The following ST6GALNAC3 variants were observed in gnomAD, a reference collection of about 807,000 sequenced individuals.
The protein encoded by ST6GALNAC3 is alpha-N-acetylgalactosaminide alpha-2,6-sialyltransferase 3.
In ST6GALNAC3, 25 loss-of-function variants were observed where a neutral mutation model predicts 32.7. The ratio of observed to expected loss-of-function variants is 0.76; its 90% CI spans 0.56 to 1.07. ST6GALNAC3 has a LOEUF of 1.07. ST6GALNAC3 is among the 50% of genes least tolerant of loss of function. The pLI is 0.00. For synonymous variants in ST6GALNAC3, 129 were observed against 133.1 expected (o/e 0.97, Z 0.21); for missense variants, 355 against 382.4 (o/e 0.93, Z 0.60).
intron 1 of ST6GALNAC3, among the ~76,000 whole-genome samples, chr1:76,183,741 G>T (rs1268820556): frequency 6.6e-6 from 1 of 151,336 alleles, no homozygotes; most frequent in African/African-American, 2.4e-5. Context: ...AAGTATTTGT[G>T]TATCTAAACA....
intron 3 of ST6GALNAC3, among the ~76,000 whole-genome samples, chr1:76,586,837 G>T (rs1057452503): frequency 1.3e-5 from 2 of 152,158 alleles, no homozygotes; most frequent in African/African-American, 4.8e-5. Context: ...GGTCTTCTTG[G>T]CCCTTGTGTA....
At chr1:76,452,543 T>C (rs1657485899) in intron 3 of ST6GALNAC3, among the ~76,000 whole-genome samples, 1 of 152,042 alleles carries the variant, frequency 6.6e-6, no homozygotes, top group Non-Finnish European at 1.5e-5. Flanking sequence ...GATCATGTGA[T>C]TTTTGTTTTT....
chr1:76,254,953 A>G (rs1657833538), intron 1 of ST6GALNAC3, among the ~76,000 whole-genome samples: 1 of 151,982 alleles, frequency 6.6e-6, no homozygotes, highest in Admixed American at 6.6e-5. Context: ...TTCCTTGTAT[A>G]GGCTAAAGCA....
At chr1:76,522,466 C>T (rs1033605214) in intron 3 of ST6GALNAC3, among the ~76,000 whole-genome samples, 5 of 152,034 alleles carry the variant, frequency 3.3e-5, no homozygotes, top group African/African-American at 1.2e-4. Context: ...TGCCTCCTCC[C>T]TTTCTTTTTC....
At chr1:76,309,983 C>T (rs770331788) in intron 1 of ST6GALNAC3, 7 of 499,914 alleles carry the variant, frequency 1.4e-5, no homozygotes, top group Admixed American at 4.1e-5. Flanking sequence ...CGTATGCATA[C>T]GTATGTGTTG....
intron 2 of ST6GALNAC3, among the ~76,000 whole-genome samples, chr1:76,323,255 T>C (rs566643063): frequency 6.6e-6 from 1 of 152,320 alleles, no homozygotes; most frequent in East Asian, 1.9e-4. Flanking sequence ...AAAATATCTC[T>C]GAAAAATAAT....
At chr1:76,536,590 C>T (rs1014479357) in intron 3 of ST6GALNAC3, among the ~76,000 whole-genome samples, 1 of 123,276 alleles carries the variant, frequency 8.1e-6, no homozygotes, top group Non-Finnish European at 1.6e-5. Flanking sequence ...GTTCGTATTA[C>T]AATTCAAGAT....
chr1:76,434,189 G>A (rs957720731), intron 3 of ST6GALNAC3, among the ~76,000 whole-genome samples: 1 of 152,152 alleles, frequency 6.6e-6, no homozygotes, highest in Non-Finnish European at 1.5e-5. Context: ...CCTTTCTAAG[G>A]TGGCAGGAAT....
intron 3 of ST6GALNAC3, among the ~76,000 whole-genome samples, chr1:76,513,357 A>G (rs1275301251): frequency 1.3e-5 from 2 of 151,988 alleles, no homozygotes; most frequent in Admixed American, 6.6e-5. Context: ...TGGATATCCT[A>G]TTTTTCCAGC....
At chr1:76,429,118 T>A (rs1174014652) in intron 3 of ST6GALNAC3, among the ~76,000 whole-genome samples, 2 of 152,146 alleles carry the variant, frequency 1.3e-5, no homozygotes, top group Non-Finnish European at 2.9e-5. Flanking sequence ...TGTGTGTGTA[T>A]GTGTATGTAT....
chr1:76,103,606 C>G (rs1412394120), intron 1 of ST6GALNAC3, among the ~76,000 whole-genome samples: 1 of 152,154 alleles, frequency 6.6e-6, no homozygotes, highest in Non-Finnish European at 1.5e-5. Flanking sequence ...GCCTAGACAA[C>G]AGAAATGTAT....
intron 1 of ST6GALNAC3, among the ~76,000 whole-genome samples, chr1:76,124,870 G>A (rs1384336863): frequency 1.3e-5 from 2 of 152,166 alleles, no homozygotes; most frequent in African/African-American, 4.8e-5. Flanking sequence ...AACTTGAAAT[G>A]TGGAGCATCT....
At chr1:76,135,853 C>T (rs558606559) in intron 1 of ST6GALNAC3, among the ~76,000 whole-genome samples, 8 of 152,160 alleles carry the variant, frequency 5.3e-5, no homozygotes, top group Non-Finnish European at 1.0e-4. Flanking sequence ...TTATTGATTC[C>T]AGGAGTCATA....
chr1:76,441,343 A>G (rs1656589677), intron 3 of ST6GALNAC3, among the ~76,000 whole-genome samples: 1 of 152,180 alleles, frequency 6.6e-6, no homozygotes, highest in African/African-American at 2.4e-5. Flanking sequence ...GGCAGGTATA[A>G]TTATTGTCTT....
chr1:76,127,115 G>A (rs939725983), intron 1 of ST6GALNAC3, among the ~76,000 whole-genome samples: 1 of 152,214 alleles, frequency 6.6e-6, no homozygotes, highest in African/African-American at 2.4e-5. Flanking sequence ...ACTTTCGTGA[G>A]CTCATTGTAA....
chr1:76,468,398 C>A (rs941949903), intron 3 of ST6GALNAC3, among the ~76,000 whole-genome samples: 2 of 152,018 alleles, frequency 1.3e-5, no homozygotes, highest in Admixed American at 1.3e-4. Flanking sequence ...ACAAAGAATT[C>A]TTTAGGCTTG....
intron 3 of ST6GALNAC3, among the ~76,000 whole-genome samples, chr1:76,561,131 T>C (rs772575522): frequency 2.6e-5 from 4 of 152,136 alleles, no homozygotes; most frequent in Admixed American, 1.3e-4. Context: ...TCTCACTCAT[T>C]TGTGGGATCT....
chr1:76,361,894 C>T (rs1649972093), intron 2 of ST6GALNAC3, among the ~76,000 whole-genome samples: 2 of 150,786 alleles, frequency 1.3e-5, no homozygotes, highest in South Asian at 4.2e-4. Context: ...AGGAGAATCA[C>T]TTGAACCCAG....
At chr1:76,146,694 C>A (rs189009662) in intron 1 of ST6GALNAC3, among the ~76,000 whole-genome samples, 4 of 152,184 alleles carry the variant, frequency 2.6e-5, no homozygotes, top group Admixed American at 6.5e-5. Context: ...GTTCCACCCC[C>A]CTCACCGCTA....
Sources: allele counts gnomAD v4.1 joint callset (sites outside exome capture counted in the v4.1 genomes callset), GRCh38; gene constraint gnomAD v4.1.1; transcripts MANE v1.5; gene names NCBI Gene and HGNC (gene_info 2026-07-23, HGNC 2026-07-21).